The following DOCK5 variants were observed in gnomAD, a reference collection of about 807,000 sequenced individuals.
DOCK5 encodes the protein dedicator of cytokinesis 5.
A neutral mutation model predicts 251.8 loss-of-function variants in DOCK5; 142 were observed. The observed-to-expected ratio is 0.56, with a 90% CI of 0.49 to 0.65. The LOEUF is 0.65. Among genes scored for constraint, DOCK5 ranks in the 30% least tolerant of loss-of-function variants. The pLI, the probability that DOCK5 is intolerant of heterozygous loss-of-function variation, is 0.00. For synonymous variants in DOCK5, 842 were observed against 835.5 expected, an observed-to-expected ratio of 1.01 and a Z score of -0.13; for missense variants, 2,111 against 2,312.3, an observed-to-expected ratio of 0.91 and a Z score of 1.79.
intron 1 of DOCK5, among the ~76,000 whole-genome samples, chr8:25,196,883 AG>A (rs1490065273): frequency 6.6e-6 from 1 of 152,204 alleles, no homozygotes; most frequent in African/African-American, 2.4e-5. Context: ...TCTGTGGTCA[AG>A]GAACACACAG....
In DOCK5 at chr8:25,343,179, T is replaced by G. The variant is rs1202746382; in HGVS notation, c.2617+672T>G. The stretch of plus-strand genomic sequence containing the variant: ...ACACCCAGCTAATTTTTTTTTTTTT[T>G]TGTATTTTTGGGAGAGGGGGGGTTT... On this transcript the variant is annotated intron_variant, in intron 25 of 51. Transcript: ENST00000276440. 2.0e-5 allele frequency among the ~76,000 whole-genome samples: 3 copies of G among 151,838 alleles called. No homozygotes were observed. The East Asian group carries it at 5.8e-4, about 29-fold the overall frequency.
Position 25,399,938 on chromosome 8 carries a change from G to A in DOCK5, c.4732G>A (p.Glu1578Lys). 6.2e-7 allele frequency: 1 copy of A among 1,613,552 alleles called. No individual in the cohort carries two copies. Among genetic ancestry groups the A allele is most frequent in the Non-Finnish European group, 8.5e-7 (1 of 1,179,736 alleles). The change falls in exon 46 of 52, where the codon GAG (glutamate) becomes AAG (lysine). Residue 1578 changes from glutamate (E) to lysine (K), a missense_variant. By Grantham distance (56) the Glu-to-Lys change is moderately conservative. Transcript: ENST00000276440. ...TTTTTTTACAGAAAAGTACTTGCAG[G>A]AGCATCCTGAAGACCAGGAGAAGGT... The part of the protein sequence containing the change: ...KAFFTEKYLQ[E>K]HPEDQEKVEL...
At chr8:25,311,118 G>A (rs1284721037) in intron 13 of DOCK5, among the ~76,000 whole-genome samples, 2 of 152,156 alleles carry the variant, frequency 1.3e-5, no homozygotes, top group African/African-American at 4.8e-5. Flanking sequence ...ATCTGCATAT[G>A]TGTGTGTTCT....
intron 5 of DOCK5, 79 bp from the exon 6 acceptor site, chr8:25,291,945 C>G (rs1804499714): frequency 7.8e-7 from 1 of 1,283,258 alleles, no homozygotes. Flanking sequence ...TAAAAACAAA[C>G]AAATAAAAAA....
chr8:25,358,136 C>A (rs1227581043), intron 27 of DOCK5, among the ~76,000 whole-genome samples: 1 of 152,112 alleles, frequency 6.6e-6, no homozygotes, highest in Non-Finnish European at 1.5e-5. Flanking sequence ...AAAGACATAC[C>A]TGAGACTGGG....
At chr8:25,219,482 T>G (rs1802328036) in intron 1 of DOCK5, among the ~76,000 whole-genome samples, 2 of 152,192 alleles carry the variant, frequency 1.3e-5, no homozygotes, top group Non-Finnish European at 2.9e-5. Context: ...TCTCCATTGT[T>G]GGATTTTGTC....
chr8:25,192,106 C>CT, intron 1 of DOCK5, among the ~76,000 whole-genome samples: 1 of 152,180 alleles, frequency 6.6e-6, no homozygotes, highest in East Asian at 1.9e-4. Flanking sequence ...TGAACTCATC[C>CT]TTTTTTATGG....
At chr8:25,267,188 T>A (rs1803778833) in intron 2 of DOCK5, among the ~76,000 whole-genome samples, 1 of 152,140 alleles carries the variant, frequency 6.6e-6, no homozygotes, top group African/African-American at 2.4e-5. Flanking sequence ...TAGCTTAGTA[T>A]CCTTCTTATT....
chr8:25,394,455 A>G (rs1013217349), intron 44 of DOCK5, among the ~76,000 whole-genome samples: 2 of 151,974 alleles, frequency 1.3e-5, no homozygotes, highest in African/African-American at 4.8e-5. Context: ...CAGCCTGTAT[A>G]TTCGAATACA....
rs376326949 is a variant in DOCK5, at chr8:25,299,473, T to A, written c.764+372T>A. 446 of 164,854 alleles carry A rather than the reference T, an allele frequency of 2.7e-3. 2 individuals carry two copies. Among genetic ancestry groups the A allele is most frequent in the African/African-American group, 0.01 (432 of 42,094 alleles). The allele number at this position is 164,854 out of a possible 1,614,324, so 10.2% of individuals were successfully genotyped here. ...CTATAGTGGTGGATGCATGTCATTA[T>A]GAATTTGTCTAAATGCACAGGACGT... On this transcript the variant is annotated intron_variant, in intron 8 of 51. Transcript: ENST00000276440.
chr8:25,361,229 T>A (rs1253352538), intron 28 of DOCK5, among the ~76,000 whole-genome samples: 1 of 152,210 alleles, frequency 6.6e-6, no homozygotes, highest in African/African-American at 2.4e-5. Context: ...AGTATCTAAA[T>A]TCAATCCTTG....
chr8:25,371,311 A>C (rs981437649), intron 34 of DOCK5, among the ~76,000 whole-genome samples: 1 of 152,056 alleles, frequency 6.6e-6, no homozygotes, highest in Non-Finnish European at 1.5e-5. Flanking sequence ...CGGCCTCCCA[A>C]AGTGAGCCAA....
intron 5 of DOCK5, among the ~76,000 whole-genome samples, chr8:25,288,017 C>G (rs1804385594): frequency 6.6e-6 from 1 of 151,556 alleles, no homozygotes; most frequent in Non-Finnish European, 1.5e-5. Context: ...TCTTGAGTAG[C>G]TGGGATTATA....
intron 19 of DOCK5, 84 bp downstream of exon 19, chr8:25,332,432 A>C: frequency 8.0e-7 from 1 of 1,244,088 alleles, no homozygotes; most frequent in Non-Finnish European, 1.1e-6. Context: ...TCACCATTTA[A>C]AATTAAATCA....
intron 4 of DOCK5, among the ~76,000 whole-genome samples, 152 bp from the exon 5 acceptor site, chr8:25,278,417 T>C (rs1304509882): frequency 6.6e-6 from 1 of 152,146 alleles, no homozygotes; most frequent in Admixed American, 6.5e-5. Flanking sequence ...TTCTCCCAGA[T>C]GCTTGGATGC....
intron 5 of DOCK5, among the ~76,000 whole-genome samples, chr8:25,287,384 C>G (rs1234829715): frequency 1.3e-5 from 2 of 151,898 alleles, no homozygotes; most frequent in East Asian, 1.9e-4. Context: ...CAAGATTGCA[C>G]TACTGCACTC....
rs145994606 is a variant in DOCK5 at position 25,287,224 on chromosome 8, C to T, written c.322-4800C>T. On this transcript the variant is annotated intron_variant, in intron 5 of 51. Transcript: ENST00000276440. ...GGAGGATCACCTAAGGTCAGAAGTT[C>T]GAGGCCAGCCTGGCCAGTATGGCAA... Among the ~76,000 whole-genome samples, 889 of 152,222 alleles carry T rather than the reference C, an allele frequency of 5.8e-3. 5 individuals carry two copies. Among genetic ancestry groups the T allele is most frequent in the Non-Finnish European group, 9.0e-3 (612 of 68,012 alleles).
chr8:25,284,576 A>G (rs1804284086), intron 5 of DOCK5, among the ~76,000 whole-genome samples: 3 of 152,224 alleles, frequency 2.0e-5, no homozygotes, highest in African/African-American at 7.2e-5. Flanking sequence ...AGCCTTGGAA[A>G]GCAGCTCCAG....
intron 22 of DOCK5, among the ~76,000 whole-genome samples, chr8:25,337,876 C>A (rs117430161): frequency 6.6e-6 from 1 of 151,776 alleles, no homozygotes; most frequent in East Asian, 1.9e-4. Flanking sequence ...TGAGCCACTG[C>A]GCCTGGCCCG....
Sources: allele counts gnomAD v4.1 joint callset (sites outside exome capture counted in the v4.1 genomes callset), GRCh38; gene constraint gnomAD v4.1.1; transcripts MANE v1.5; gene names NCBI Gene and HGNC (gene_info 2026-07-23, HGNC 2026-07-21).